The following AFM variants were observed in gnomAD, a reference collection of about 807,000 sequenced individuals.
The protein encoded by AFM is alpha-Alb.
AFM carries 82 observed loss-of-function variants against 68.7 expected under a neutral mutation model. The observed-to-expected ratio is 1.19, with a 90% CI of 1.00 to 1.43. AFM has a LOEUF of 1.43. AFM is among the 40% of genes most tolerant of loss of function. The pLI is 0.00. For synonymous variants in AFM, 250 were observed against 234.2 expected, an observed-to-expected ratio of 1.07 and a Z score of -0.61; for missense variants, 772 against 701.8, an observed-to-expected ratio of 1.10 and a Z score of -1.13.
intron 7 of AFM, 29 bp downstream of exon 7, chr4:73,488,788 T>C: frequency 6.3e-7 from 1 of 1,579,536 alleles, no homozygotes; most frequent in Non-Finnish European, 8.6e-7. Context: ...CAAGTTAAAA[T>C]AGTGATTTTT....
chr4:73,488,696 A>G lies in AFM; in HGVS notation c.780A>G (p.Glu260=). The G allele has an allele frequency of 6.2e-7, 1 of 1,613,256 alleles. No individual in the cohort carries two copies. The highest frequency in any genetic ancestry group is 2.2e-5 in the East Asian group (1 of 44,820). ...IEFKELISLV[E]DVSSNYDGCC... ...TTAAGGAGCTTATTTCTCTTGTAGA[A>G]GATGTTTCTTCCAACTATGATGGAT... is the stretch of plus-strand genomic sequence containing the variant. Residue 260 remains glutamate (E), a synonymous_variant, in exon 7 of 15, where the codon GAA becomes GAG. Transcript: ENST00000226355.
intron 8 of AFM, among the ~76,000 whole-genome samples, chr4:73,494,108 A>G (rs1721181654): frequency 6.6e-6 from 1 of 151,664 alleles, no homozygotes; most frequent in African/African-American, 2.4e-5. Context: ...ACTCCCAGAG[A>G]AGAAGTCCAT....
At chr4:73,487,461 G>A (rs892610468) in intron 5 of AFM, among the ~76,000 whole-genome samples, 7 of 152,166 alleles carry the variant, frequency 4.6e-5, no homozygotes, top group Non-Finnish European at 7.3e-5. Context: ...GGATGGCCAA[G>A]CTCACAGCAT....
intron 13 of AFM, among the ~76,000 whole-genome samples, chr4:73,502,370 C>T (rs1721445380): frequency 6.6e-6 from 1 of 152,160 alleles, no homozygotes; most frequent in Admixed American, 6.6e-5. Context: ...GAGTGGCTGT[C>T]TCACTTTCCC....
At chr4:73,496,279 A>G (rs991491169) in intron 9 of AFM, among the ~76,000 whole-genome samples, 10 of 152,182 alleles carry the variant, frequency 6.6e-5, no homozygotes, top group Admixed American at 1.3e-4. Flanking sequence ...TTCTTTTTAA[A>G]TGATGGTATC....
chr4:73,484,446 CTTTCTTTCTTTCTTTCTTTCTT>C (rs1720812425), intron 3 of AFM, 56 bp downstream of exon 3: 1 of 180,738 alleles, frequency 5.5e-6, no homozygotes, highest in Non-Finnish European at 1.0e-5. Flanking sequence ...CTTTCTCTTT[CTTTCTTTCTTTCTTTCTTTCTT>C]TCTTTCTTTC....
At position 73,495,379 on chromosome 4, in the gene AFM, C is replaced by A. The variant is rs1400015019; in HGVS notation, c.1138C>A (p.Leu380Ile). The A allele has an allele frequency of 1.2e-6, 2 of 1,613,418 alleles. No individual in the cohort carries two copies. The highest frequency in any genetic ancestry group is 1.7e-6 in the Non-Finnish European group (2 of 1,179,736). The change falls in exon 9 of 15, where the codon CTC (leucine) becomes ATC (isoleucine). Residue 380 changes from leucine to isoleucine, a missense_variant. Physicochemically the swap from Leu to Ile is conservative, Grantham distance 5. Coordinates refer to ENST00000226355, the MANE Select transcript of AFM (RefSeq NM_001133.2). ...AAGAATTGTTCAAATATACAAAGAT[C>A]TCCTGAGAAATTGCTGCAACACAGA... ...LLRIVQIYKD[L>I]LRNCCNTENP...
At position 73,497,724 on chromosome 4, in the gene AFM, T is replaced by C; in HGVS notation, c.1264T>C (p.Leu422=). Residue 422 remains leucine (L), a synonymous_variant, in exon 10 of 15, where the codon TTG becomes CTG. Transcript: ENST00000226355. ...ACAAGAATGTAAACATTTCCAGAAT[T>C]TGGGGAAGGATGGTTTGAAATACCA... ...VQQECKHFQN[L]GKDGLKYHYL... is the part of the protein sequence containing the mutation. 1 of 1,607,374 alleles carries C rather than the reference T, an allele frequency of 6.2e-7. No individual in the cohort carries two copies. Among genetic ancestry groups the C allele is most frequent in the African/African-American group, 1.3e-5 (1 of 74,658 alleles).
At position 73,488,646 on chromosome 4, in the gene AFM, A is replaced by C. The variant is rs773595643; in HGVS notation, c.730A>C (p.Ser244Arg). ...TCTTTCCAGATATATTGCGATACTC[A>C]GTCAAAAATTCCCCAAGATTGAATT... ...VVHFIYIAILSQKFPKIEFKE... is the reference protein window; with the variant it reads ...VVHFIYIAILRQKFPKIEFKE... The change falls in exon 7 of 15, where the codon AGT (serine) becomes CGT (arginine). Residue 244 changes from serine to arginine, a missense_variant. Coordinates refer to ENST00000226355, the MANE Select transcript of AFM (RefSeq NM_001133.2). 23 of 1,610,620 alleles carry C rather than the reference A, an allele frequency of 1.4e-5. No homozygotes were observed. The highest frequency in any genetic ancestry group is 2.7e-5 in the African/African-American group (2 of 74,796).
chr4:73,493,218 C>A (rs1260479975), intron 8 of AFM, among the ~76,000 whole-genome samples: 2 of 152,142 alleles, frequency 1.3e-5, no homozygotes, highest in African/African-American at 2.4e-5. Flanking sequence ...ATCATGCAGG[C>A]ATGCTAAGTA....
At chr4:73,497,296 G>A (rs1468356693) in intron 9 of AFM, among the ~76,000 whole-genome samples, 1 of 152,124 alleles carries the variant, frequency 6.6e-6, no homozygotes, top group Non-Finnish European at 1.5e-5. Flanking sequence ...AAGGCCAGTT[G>A]CCTTTACTTA....
Position 73,501,927 on chromosome 4 carries a change from T to G in AFM, c.1779+8T>G, listed in dbSNP as rs1385488113. 1 of 1,609,526 alleles carries G rather than the reference T, an allele frequency of 6.2e-7. No homozygotes were observed. The highest frequency in any genetic ancestry group is 8.5e-7 in the Non-Finnish European group (1 of 1,178,108). ...GTCTGCTTTAATGAAGAGGTAGTTT[T>G]ATTTCTTTTCTACTGAAATTCAACT... is the stretch of plus-strand genomic sequence containing the variant. On this transcript the variant is annotated splice_region_variant and intron_variant, in intron 13 of 14. Transcript: ENST00000226355.
At chr4:73,500,588 G>A (rs1378354064) in intron 12 of AFM, among the ~76,000 whole-genome samples, 1 of 152,154 alleles carries the variant, frequency 6.6e-6, no homozygotes, top group Non-Finnish European at 1.5e-5. Context: ...TAAAGGGCCA[G>A]GAAGTTTACT....
Position 73,501,872 on chromosome 4 carries a change from G to T in AFM, c.1732G>T (p.Asp578Tyr). 1 of 1,613,562 alleles carries T rather than the reference G, an allele frequency of 6.2e-7. No homozygotes were observed. Among genetic ancestry groups the T allele is most frequent in the Non-Finnish European group, 8.5e-7 (1 of 1,179,664 alleles). ...GTTTACAAATTTCGCAAATGTAGTGGATAAGTGCTGCAAAGCAGAGAGTCC... is the reference window on the plus strand; with the variant it reads ...GTTTACAAATTTCGCAAATGTAGTGTATAAGTGCTGCAAAGCAGAGAGTCC... ...SLFTNFANVV[D>Y]KCCKAESPEV... Residue 578 changes from aspartate to tyrosine, a missense_variant, in exon 13 of 15, where the codon GAT becomes TAT. Physicochemically the swap from Asp to Tyr is radical, Grantham distance 160. Coordinates refer to ENST00000226355, the MANE Select transcript of AFM (RefSeq NM_001133.2).
chr4:73,486,302 A>G (rs1426174756), intron 4 of AFM, among the ~76,000 whole-genome samples: 1 of 152,216 alleles, frequency 6.6e-6, no homozygotes, highest in Non-Finnish European at 1.5e-5. Context: ...TTATCTTCTA[A>G]TTGGTAAGTC....
intron 7 of AFM, among the ~76,000 whole-genome samples, chr4:73,489,374 A>G (rs1188141337): frequency 1.3e-5 from 2 of 152,090 alleles, no homozygotes; most frequent in African/African-American, 2.4e-5. Context: ...ACAACATGAT[A>G]TATATGTATG....
intron 1 of AFM, among the ~76,000 whole-genome samples, chr4:73,483,606 C>A (rs893089861): frequency 3.9e-5 from 6 of 152,236 alleles, no homozygotes; most frequent in Admixed American, 3.9e-4. Flanking sequence ...CTTCATATCA[C>A]TTCTCTAGTC....
At position 73,492,889 on chromosome 4, in the gene AFM, G is replaced by GT. The variant is rs568893451; in HGVS notation, c.1058+811dup. On this transcript the variant is annotated intron_variant, in intron 8 of 14. Transcript: ENST00000226355. ...ACTGTTTTTTTTTTTGTTGTTGTTTGTTTTTTTTATCTCCTGGAAGCCTTC... is the reference window on the plus strand; with the variant it reads ...ACTGTTTTTTTTTTTGTTGTTGTTTGTTTTTTTTTATCTCCTGGAAGCCTTC... Among the ~76,000 whole-genome samples the GT allele has an allele frequency of 5.8e-4, 81 of 139,842 alleles. No homozygotes were observed. In the South Asian group the frequency reaches 0.01, roughly 18 times the overall value. 91.7% of individuals were successfully genotyped at this position (139,842 alleles called of 152,430 possible). A position where few individuals can be genotyped will look rare whatever the true frequency, so the allele number is the denominator to read the frequency against.
rs1470199141 is a variant in AFM, at chr4:73,487,732, T to C, written c.624T>C (p.Pro208=). The C allele has an allele frequency of 1.9e-6, 3 of 1,609,022 alleles. No homozygotes were observed. Among genetic ancestry groups the C allele is most frequent in the Admixed American group, 3.3e-5 (2 of 59,880 alleles). ...TTCTCTTTCTTCTTCAGGCAATACC[T>C]GTCACACAATATTTAAAAGCATTTT... ...KVNCLQTRAI[P]VTQYLKAFSS... is the part of the protein sequence containing the mutation. Residue 208 remains proline, a synonymous_variant, in exon 6 of 15, where the codon CCT becomes CCC. Transcript: ENST00000226355.
Sources: allele counts gnomAD v4.1 joint callset (sites outside exome capture counted in the v4.1 genomes callset), GRCh38; gene constraint gnomAD v4.1.1; transcripts MANE v1.5; gene names NCBI Gene and HGNC (gene_info 2026-07-23, HGNC 2026-07-21).